Variants in PDE1A observed in about 807,000 individuals in gnomAD.
The protein encoded by PDE1A is phosphodiesterase 1A.
A neutral mutation model predicts 61.7 loss-of-function variants in PDE1A; 35 were observed. That is an observed-to-expected ratio of 0.57 (90% CI 0.43 to 0.75). PDE1A has a LOEUF of 0.75. PDE1A is among the 30% of genes least tolerant of loss of function. PDE1A has a pLI of 0.00. For missense variants in PDE1A, 597 were observed against 630.6 expected, an observed-to-expected ratio of 0.95 and a Z score of 0.57; for synonymous variants, 232 against 213.2, an observed-to-expected ratio of 1.09 and a Z score of -0.77.
chr2:182,674,382 A>G, the PDE1A span, among the ~76,000 whole-genome samples: 2 of 152,008 alleles, frequency 1.3e-5, no homozygotes, highest in African/African-American at 4.8e-5. Flanking sequence ...CTTTTCCCCA[A>G]TTATCTCATT....
intron 13 of PDE1A, among the ~76,000 whole-genome samples, chr2:182,174,039 T>G (rs1432595505): frequency 6.6e-6 from 1 of 152,022 alleles, no homozygotes; most frequent in Non-Finnish European, 1.5e-5. Flanking sequence ...AATAAAAACA[T>G]GTGCTCAGAA....
chr2:182,519,552 C>T (rs1258030795), intron 2 of PDE1A, among the ~76,000 whole-genome samples: 1 of 151,878 alleles, frequency 6.6e-6, no homozygotes, highest in East Asian at 1.9e-4. Context: ...TGGCACATAA[C>T]TTTATATGGT....
At chr2:182,284,889 T>C (rs976845050) in intron 1 of PDE1A, among the ~76,000 whole-genome samples, 1 of 152,142 alleles carries the variant, frequency 6.6e-6, no homozygotes, top group Non-Finnish European at 1.5e-5. Flanking sequence ...TTATCTTCAT[T>C]TCATGATGAG....
chr2:182,662,341 G>A, the PDE1A span, among the ~76,000 whole-genome samples: 124 of 137,820 alleles, frequency 9.0e-4, no homozygotes, highest in Middle Eastern at 3.8e-3. Context: ...AAAAAAAAAA[G>A]AAAAAAAAAA....
the PDE1A span, among the ~76,000 whole-genome samples, chr2:182,600,290 A>G: frequency 1.3e-5 from 2 of 152,310 alleles, no homozygotes; most frequent in Middle Eastern, 3.4e-3. Flanking sequence ...GTTGCTTGCT[A>G]CACAATTTTC....
chr2:182,433,668 CTA>C (rs1308233265), intron 2 of PDE1A, among the ~76,000 whole-genome samples: 1 of 152,034 alleles, frequency 6.6e-6, no homozygotes, highest in Non-Finnish European at 1.5e-5. Flanking sequence ...TACATTATCA[CTA>C]TATATGATGA....
chr2:182,678,023 GA>G, the PDE1A span, among the ~76,000 whole-genome samples: 1 of 152,120 alleles, frequency 6.6e-6, no homozygotes, highest in African/African-American at 2.4e-5. Context: ...ATATAATAAG[GA>G]AATACCAGAA....
chr2:182,559,908 A>T, the PDE1A span, among the ~76,000 whole-genome samples: 1 of 152,156 alleles, frequency 6.6e-6, no homozygotes, highest in Non-Finnish European at 1.5e-5. Context: ...TTTAAAAAAC[A>T]GGCAAAGCTA....
intron 1 of PDE1A, among the ~76,000 whole-genome samples, chr2:182,286,846 C>T (rs1329615193): frequency 2.6e-5 from 4 of 152,106 alleles, no homozygotes; most frequent in Non-Finnish European, 5.9e-5. Flanking sequence ...AACAACTAGC[C>T]ATACATTAAC....
At chr2:182,237,880 G>A (rs1690159041) in intron 3 of PDE1A, among the ~76,000 whole-genome samples, 1 of 152,174 alleles carries the variant, frequency 6.6e-6, no homozygotes, top group Non-Finnish European at 1.5e-5. Flanking sequence ...TTCAGTCAAG[G>A]ATGAAGGTTG....
chr2:182,475,914 A>G (rs1687327328), intron 2 of PDE1A, among the ~76,000 whole-genome samples: 1 of 151,956 alleles, frequency 6.6e-6, no homozygotes, highest in Non-Finnish European at 1.5e-5. Flanking sequence ...TGTTTTTAAG[A>G]TAACACAGAA....
chr2:182,630,228 GT>G, the PDE1A span, among the ~76,000 whole-genome samples: 2 of 151,822 alleles, frequency 1.3e-5, no homozygotes, highest in Non-Finnish European at 2.9e-5. Context: ...TCCTGTAGGT[GT>G]TTCTTGTTAT....
chr2:182,448,521 T>C (rs560724783), intron 2 of PDE1A, among the ~76,000 whole-genome samples: 1 of 152,188 alleles, frequency 6.6e-6, no homozygotes, highest in East Asian at 1.9e-4. Context: ...ACCATTCTGC[T>C]GTGAAAATTG....
At chr2:182,188,720 C>A (rs1685450423) in intron 11 of PDE1A, among the ~76,000 whole-genome samples, 1 of 152,168 alleles carries the variant, frequency 6.6e-6, no homozygotes, top group South Asian at 2.1e-4. Context: ...GTCTCCCACA[C>A]AAGAAAATTT....
chr2:182,346,736 T>C (rs1359496441), intron 1 of PDE1A, among the ~76,000 whole-genome samples: 1 of 152,122 alleles, frequency 6.6e-6, no homozygotes, highest in Non-Finnish European at 1.5e-5. Context: ...TCTGTGCATA[T>C]TTACATATCT....
intron 2 of PDE1A, among the ~76,000 whole-genome samples, chr2:182,457,715 A>G (rs952652233): frequency 5.3e-5 from 8 of 152,082 alleles, no homozygotes; most frequent in African/African-American, 1.9e-4. Context: ...GACAAGCAGT[A>G]CTTAGCAAAA....
At chr2:182,370,283 T>A (rs1381900013) in intron 1 of PDE1A, among the ~76,000 whole-genome samples, 1 of 152,180 alleles carries the variant, frequency 6.6e-6, no homozygotes, top group East Asian at 1.9e-4. Context: ...TTAGTTAAAC[T>A]TTGACATGGA....
rs190743219 is a variant in PDE1A, at chr2:182,371,941, C to T, written c.53+54637G>A. Among the ~76,000 whole-genome samples the T allele has an allele frequency of 9.1e-4, 139 of 152,194 alleles. 1 individual carries two copies. Among genetic ancestry groups the T allele is most frequent in the Non-Finnish European group, 9.6e-4 (65 of 68,020 alleles). ...CTAGGACCACAGGCATGCACCACCA[C>T]GCCTGGCTTTTTTTATTTTTATTTT... On this transcript the variant is annotated intron_variant, in intron 1 of 13. Coordinates refer to ENST00000351439, the Ensembl canonical transcript of PDE1A.
the PDE1A span, among the ~76,000 whole-genome samples, chr2:182,638,754 A>T: frequency 6.6e-6 from 1 of 152,228 alleles, no homozygotes; most frequent in Non-Finnish European, 1.5e-5. Flanking sequence ...GTAAAAAGAA[A>T]AGTAAATGAC....
Sources: gnomAD v4.1 joint callset for allele counts (sites outside exome capture counted in the v4.1 genomes callset) on GRCh38, gnomAD v4.1.1 for gene constraint, MANE v1.5 for transcripts, NCBI Gene and HGNC (gene_info 2026-07-23, HGNC 2026-07-21) for gene names.